PZP: variants seen among roughly 807,000 people sequenced by gnomAD.
The protein encoded by PZP is PZP alpha-2-macroglobulin like.
In PZP, 150 loss-of-function variants were observed where a neutral mutation model predicts 179.8. That is an observed-to-expected ratio of 0.83 (90% CI 0.73 to 0.96). The LOEUF (loss-of-function observed/expected upper bound fraction) is 0.96, where lower values mean the gene tolerates loss of function less well. Ranked by LOEUF, PZP falls within the 40% of genes least tolerant of loss-of-function variation. The pLI, the probability that PZP is intolerant of heterozygous loss-of-function variation, is 0.00. For synonymous variants in PZP, 624 were observed against 652.3 expected, an observed-to-expected ratio of 0.96 and a Z score of 0.66; for missense variants, 1,689 against 1,764.0, an observed-to-expected ratio of 0.96 and a Z score of 0.76.
At chr12:9,171,623 T>G (rs997466025) in intron 15 of PZP, among the ~76,000 whole-genome samples, 1 of 152,142 alleles carries the variant, frequency 6.6e-6, no homozygotes, top group African/African-American at 2.4e-5. Flanking sequence ...GTAGCCAGAA[T>G]AGCCAGTTTA....
At chr12:9,171,569 A>G (rs1942003465) in intron 15 of PZP, among the ~76,000 whole-genome samples, 2 of 152,180 alleles carry the variant, frequency 1.3e-5, no homozygotes, top group Admixed American at 1.3e-4. Flanking sequence ...GCTGTAACCC[A>G]ATGAAAAGAA....
rs2038092447 is a variant in PZP at position 9,160,297 on chromosome 12, TTC to T, written c.3049+15_3049+16del. ...TTCATTAGAGTAACAAAGTAAATTT[TTC>T]TCTGTCTCACTTACCAGTGATGAGA... On this transcript the variant is annotated intron_variant, in intron 24 of 35. Coordinates refer to ENST00000261336, the MANE Select transcript of PZP (RefSeq NM_002864.3). 1.9e-6 allele frequency: 3 copies of T among 1,584,418 alleles called. No individual in the cohort carries two copies. Among genetic ancestry groups the T allele is most frequent in the Non-Finnish European group, 2.6e-6 (3 of 1,166,268 alleles).
the PZP span, among the ~76,000 whole-genome samples, chr12:9,140,363 T>C: frequency 6.6e-6 from 1 of 152,214 alleles, no homozygotes; most frequent in Non-Finnish European, 1.5e-5. Flanking sequence ...TTTGGCCCTT[T>C]CTTTAAGTTA....
At chr12:9,152,705 G>A (rs1940448875) in intron 31 of PZP, 119 bp downstream of exon 31, 1 of 1,048,428 alleles carries the variant, frequency 9.5e-7, no homozygotes, top group Non-Finnish European at 1.4e-6. Flanking sequence ...TTCATTTATA[G>A]ATATATCAAT....
In PZP at chr12:9,170,987, C is replaced by G. The variant is rs1258714099; in HGVS notation, c.1840-1396G>C. Among the ~76,000 whole-genome samples the G allele has an allele frequency of 6.6e-6, 1 of 152,202 alleles. No homozygotes were observed. The highest frequency in any genetic ancestry group is 1.5e-5 in the Non-Finnish European group (1 of 68,038). Reference sequence around the variant, plus strand: ...TCCCACCCAATGCAGCCCACCTGCTCTACCAAAAAGCAGCCAGGCTGCTTC... The same window carrying G: ...TCCCACCCAATGCAGCCCACCTGCTGTACCAAAAAGCAGCCAGGCTGCTTC... On this transcript the variant is annotated intron_variant, in intron 15 of 35. Coordinates refer to ENST00000261336, the MANE Select transcript of PZP (RefSeq NM_002864.3). The surrounding 1 kb of genome is among the most constrained non-coding windows in gnomAD (Gnocchi z 4.6).
chr12:9,152,849 T>C lies in PZP; in HGVS notation c.4096A>G (p.Ser1366Gly). ...QTCDGHKAHT[S>G]FQISLTISYT... Reference sequence around the variant, plus strand: ...CTGATGGTCAGTGAGATCTGAAAGCTGGTGTGGGCTTTGTGTCCATCGCAA... The same window carrying C: ...CTGATGGTCAGTGAGATCTGAAAGCCGGTGTGGGCTTTGTGTCCATCGCAA... The change falls in exon 31 of 36, where the codon AGC becomes GGC. Residue 1366 changes from serine (S) to glycine (G), a missense_variant. Physicochemically the swap from Ser to Gly is moderately conservative, Grantham distance 56. This residue lies in a region of PZP where 746 missense variants were observed against 749.2 expected (regional missense o/e 1.00). Transcript: ENST00000261336. 1 of 1,614,126 alleles carries C rather than the reference T, an allele frequency of 6.2e-7. No homozygotes were observed. Among genetic ancestry groups the C allele is most frequent in the Non-Finnish European group, 8.5e-7 (1 of 1,179,986 alleles).
chr12:9,172,680 A>G (rs755486092), intron 15 of PZP, among the ~76,000 whole-genome samples: 4 of 152,136 alleles, frequency 2.6e-5, no homozygotes, highest in African/African-American at 9.7e-5. Flanking sequence ...AAGCAATCCT[A>G]GTTTCTGACA....
rs766030637 is a variant in PZP, at chr12:9,192,427, G to A, written c.1482+85C>T. On this transcript the variant is annotated intron_variant, in intron 12 of 35. Coordinates refer to ENST00000261336, the MANE Select transcript of PZP (RefSeq NM_002864.3). ...AAGAACACAAGGTGGCTGTGTGCAA[G>A]TAGTTTATTTTGACATTCCTGAGCC... 5.2e-6 allele frequency: 7 copies of A among 1,357,952 alleles called. No individual in the cohort carries two copies. In the Admixed American group the frequency reaches 1.2e-4, roughly 24 times the overall value. The allele number at this position is 1,357,952 out of a possible 1,614,324, so 84.1% of individuals were successfully genotyped here.
intron 2 of PZP, 127 bp downstream of exon 2, chr12:9,203,641 C>G (rs977572264): frequency 2.6e-6 from 3 of 1,143,796 alleles, no homozygotes; most frequent in Non-Finnish European, 3.7e-6. Flanking sequence ...GCACCTGGCC[C>G]CTGAAGTCCT....
In PZP at chr12:9,150,656, A is replaced by G. The variant is rs761122891; in HGVS notation, c.4372T>C (p.Tyr1458His). ...TTCTTTCACTCACCTGTCTCATAGT[A>G]ATCATAGACTTTAACAATTGCTGGC... is the stretch of plus-strand genomic sequence containing the variant. ...LKPAIVKVYD[Y>H]YETDESVVAE... is the part of the protein sequence containing the mutation. The change falls in exon 34 of 36, where the codon TAC (tyrosine) becomes CAC (histidine). Residue 1458 changes from tyrosine (Y) to histidine (H), a missense_variant. Tyr to His is a moderately conservative substitution (Grantham distance 83). Around this residue, in one of 3 missense-constraint regions of PZP, gnomAD observed 746 missense variants for 749.2 expected, o/e 1.00. Coordinates refer to ENST00000261336, the MANE Select transcript of PZP (RefSeq NM_002864.3). 21 of 1,602,650 alleles carry G rather than the reference A, an allele frequency of 1.3e-5. No homozygotes were observed. Among genetic ancestry groups the G allele is most frequent in the Non-Finnish European group, 1.8e-5 (21 of 1,170,784 alleles).
At position 9,196,414 on chromosome 12, in the gene PZP, G is replaced by T; in HGVS notation, c.1008C>A (p.Ile336=). ...TGGATACAATGTTTGTGATTTCACTGATCCTGTTTGCAGTGACTTCCAGGT... is the reference window on the plus strand; with the variant it reads ...TGGATACAATGTTTGTGATTTCACTTATCCTGTTTGCAGTGACTTCCAGGT... ...GTDLEVTANR[I]SEITNIVSKL... The change falls in exon 10 of 36, where the codon ATC becomes ATA. Residue 336 remains isoleucine, a synonymous_variant. Transcript: ENST00000261336. The T allele has an allele frequency of 1.9e-6, 3 of 1,613,352 alleles. No homozygotes were observed. Among genetic ancestry groups the T allele is most frequent in the South Asian group, 1.1e-5 (1 of 91,046 alleles).
chr12:9,159,557 A>G (rs1407251715), intron 25 of PZP, among the ~76,000 whole-genome samples: 1 of 152,148 alleles, frequency 6.6e-6, no homozygotes, highest in Non-Finnish European at 1.5e-5. Context: ...TCCTAGATTA[A>G]AGGGCTATCA....
At position 9,173,089 on chromosome 12, in the gene PZP, T is replaced by G. The variant is rs1270278142; in HGVS notation, c.1840-3498A>C. Among the ~76,000 whole-genome samples the G allele has an allele frequency of 2.0e-5, 3 of 152,222 alleles. No homozygotes were observed. The East Asian group carries it at 5.8e-4, about 29-fold the overall frequency. On this transcript the variant is annotated intron_variant, in intron 15 of 35. Coordinates refer to ENST00000261336, the MANE Select transcript of PZP (RefSeq NM_002864.3). ...CACATAATTGGAAGTAAAACACTCCTCAGCAAATGCACAAGAACTGAAATC... is the reference window on the plus strand; with the variant it reads ...CACATAATTGGAAGTAAAACACTCCGCAGCAAATGCACAAGAACTGAAATC...
intron 28 of PZP, among the ~76,000 whole-genome samples, chr12:9,156,920 A>G (rs1273437776): frequency 6.6e-6 from 1 of 151,598 alleles, no homozygotes; most frequent in African/African-American, 2.4e-5. Flanking sequence ...CTATTTATTT[A>G]TTTATTTTTT....
intron 15 of PZP, among the ~76,000 whole-genome samples, chr12:9,172,543 T>C (rs944243259): frequency 6.6e-6 from 1 of 152,118 alleles, no homozygotes; most frequent in African/African-American, 2.4e-5. Flanking sequence ...AATGGCAAGC[T>C]GAATAAAGAG....
chr12:9,164,315 C>G, intron 19 of PZP, 56 bp from the exon 20 acceptor site: 10 of 1,553,402 alleles, frequency 6.4e-6, no homozygotes, highest in African/African-American at 1.4e-5. Flanking sequence ...ACGACACGAA[C>G]ACATAGAATT....
chr12:9,137,003 C>T, the PZP span, among the ~76,000 whole-genome samples: 7 of 152,134 alleles, frequency 4.6e-5, no homozygotes, highest in Middle Eastern at 3.4e-3. Context: ...GTTGATTATT[C>T]CTTTGCTTTG....
intron 26 of PZP, 111 bp downstream of exon 26, chr12:9,158,309 C>T: frequency 7.0e-7 from 1 of 1,434,496 alleles, no homozygotes; most frequent in Non-Finnish European, 9.6e-7. Context: ...TGCCATCCCA[C>T]ATCATCCAGG....
intron 1 of PZP, 82 bp from the exon 2 acceptor site, chr12:9,204,033 T>C: frequency 2.3e-6 from 3 of 1,308,644 alleles, no homozygotes; most frequent in Non-Finnish European, 3.2e-6. Context: ...CATAACAATA[T>C]GTATTAATTG....
Sources: gnomAD v4.1 joint callset for allele counts (sites outside exome capture counted in the v4.1 genomes callset) on GRCh38, gnomAD v4.1.1 for gene constraint, gnomAD v4.1.1 regional missense constraint, Gnocchi (gnomAD v3.1) non-coding constraint, MANE v1.5 for transcripts, NCBI Gene and HGNC (gene_info 2026-07-23, HGNC 2026-07-21) for gene names.